The following TMEM45A variants were observed in gnomAD, a reference collection of about 807,000 sequenced individuals.
The protein encoded by TMEM45A is DNA polymerase-transactivated protein 4.
TMEM45A carries 25 observed loss-of-function variants against 32.0 expected under a neutral mutation model. The ratio of observed to expected loss-of-function variants is 0.78; its 90% CI spans 0.57 to 1.09. TMEM45A has a LOEUF of 1.09. Among genes scored for constraint, TMEM45A ranks in the 50% least tolerant of loss-of-function variants. The pLI is 0.00. For missense variants in TMEM45A, 302 were observed against 325.0 expected, an observed-to-expected ratio of 0.93 and a Z score of 0.54; for synonymous variants, 122 against 114.8, an observed-to-expected ratio of 1.06 and a Z score of -0.40.
At chr3:100,571,970 G>A (rs1051360962) in intron 5 of TMEM45A, 1 of 152,164 alleles carries the variant, frequency 6.6e-6, no homozygotes, top group Non-Finnish European at 1.5e-5. Flanking sequence ...TGGTGTATAT[G>A]TGCCACATTT....
At chr3:100,551,880 A>T (rs568716244) in intron 1 of TMEM45A, among the ~76,000 whole-genome samples, 3 of 152,278 alleles carry the variant, frequency 2.0e-5, no homozygotes, top group Admixed American at 2.0e-4. Context: ...CCCCACTTTG[A>T]TCAGCTCATA....
intron 1 of TMEM45A, among the ~76,000 whole-genome samples, chr3:100,513,559 C>T (rs1257144086): frequency 6.6e-6 from 1 of 150,764 alleles, no homozygotes; most frequent in Non-Finnish European, 1.5e-5. Flanking sequence ...CCTTTGAAAA[C>T]AGGCACAAGA....
At chr3:100,562,265 A>C (rs1210651739) in intron 4 of TMEM45A, among the ~76,000 whole-genome samples, 2 of 151,986 alleles carry the variant, frequency 1.3e-5, no homozygotes, top group Admixed American at 1.3e-4. Flanking sequence ...TTAAGACGAC[A>C]AATAAAAGTG....
chr3:100,550,204 A>T (rs113241529), intron 1 of TMEM45A, among the ~76,000 whole-genome samples: 9,702 of 123,408 alleles, frequency 0.079, 1,098 homozygotes, highest in African/African-American at 0.27. Context: ...ATAAAAAAAA[A>T]AAAGAAAAAA....
chr3:100,559,722 T>A (rs894017306), intron 4 of TMEM45A, among the ~76,000 whole-genome samples: 1 of 152,098 alleles, frequency 6.6e-6, no homozygotes, highest in African/African-American at 2.4e-5. Flanking sequence ...TGACTTCTGG[T>A]TAAGATGACT....
At chr3:100,502,196 T>G (rs1708016181) in intron 1 of TMEM45A, among the ~76,000 whole-genome samples, 1 of 150,490 alleles carries the variant, frequency 6.6e-6, no homozygotes. Flanking sequence ...GACTTTGATA[T>G]GTCTAGGTAT....
rs1351870809 is a variant in TMEM45A at position 100,551,146 on chromosome 3, T to C, written c.-3-4063T>C. ...CTCCTGCCTCAGCCTCCCTAGTAGC[T>C]GGGACTACAGGTGCCCACCACCACA... is the stretch of plus-strand genomic sequence containing the variant. On this transcript the variant is annotated intron_variant, in intron 1 of 5. Coordinates refer to ENST00000323523, the MANE Select transcript of TMEM45A (RefSeq NM_018004.3). 2.6e-5 allele frequency among the ~76,000 whole-genome samples: 4 copies of C among 151,768 alleles called. No homozygotes were observed. In the East Asian group the frequency reaches 7.7e-4, roughly 29 times the overall value.
intron 1 of TMEM45A, among the ~76,000 whole-genome samples, chr3:100,530,951 G>A (rs557367474): frequency 6.6e-6 from 1 of 152,070 alleles, no homozygotes; most frequent in Non-Finnish European, 1.5e-5. Flanking sequence ...TTGTCCCTGT[G>A]TGTCCCATAA....
chr3:100,570,955 T>A (rs1706544722), intron 5 of TMEM45A: 1 of 152,156 alleles, frequency 6.6e-6, no homozygotes, highest in Non-Finnish European at 1.5e-5. Flanking sequence ...CTCATCTCCC[T>A]TTAAGAGTTT....
rs931449562 is a variant in TMEM45A at position 100,513,930 on chromosome 3, G to A, written c.-4+21002G>A. 1.2e-3 allele frequency among the ~76,000 whole-genome samples: 186 copies of A among 152,064 alleles called. 1 individual carries two copies. The highest frequency in any genetic ancestry group is 4.4e-3 in the African/African-American group (182 of 41,490). ...AATCCAACTTACAAGGGATGTGAAG[G>A]ACCTCTTCAAGGAGAACTACAAACC... is the stretch of plus-strand genomic sequence containing the variant. On this transcript the variant is annotated intron_variant, in intron 1 of 5. Coordinates refer to ENST00000323523, the MANE Select transcript of TMEM45A (RefSeq NM_018004.3).
chr3:100,569,011 T>C (rs1341382190), intron 5 of TMEM45A, 44 bp downstream of exon 5: 2 of 1,573,192 alleles, frequency 1.3e-6, no homozygotes, highest in Non-Finnish European at 1.7e-6. Context: ...TTCCTTGGTA[T>C]GTGATTATCA....
intron 1 of TMEM45A, among the ~76,000 whole-genome samples, chr3:100,548,682 T>G (rs1706029520): frequency 6.6e-6 from 1 of 152,194 alleles, no homozygotes; most frequent in African/African-American, 2.4e-5. Context: ...GGGACATATT[T>G]TAGCATTTCT....
chr3:100,556,933 T>C lies in TMEM45A; in HGVS notation c.364T>C (p.Leu122=). The C allele has an allele frequency of 6.2e-7, 1 of 1,614,242 alleles. No homozygotes were observed. Among genetic ancestry groups the C allele is most frequent in the Non-Finnish European group, 8.5e-7 (1 of 1,180,030 alleles). ...CACCATCAGTTCACTTCCTGTGTCC[T>C]TAACCAAGTTAATGTTGTCAAATGC... ...CFTISSLPVS[L]TKLMLSNALF... is the part of the protein sequence containing the mutation. Residue 122 remains leucine (L), a synonymous_variant, in exon 3 of 6, where the codon TTA becomes CTA. Transcript: ENST00000323523.
At chr3:100,520,072 G>GA (rs996078963) in intron 1 of TMEM45A, among the ~76,000 whole-genome samples, 45 of 150,932 alleles carry the variant, frequency 3.0e-4, no homozygotes, top group African/African-American at 5.1e-4. Context: ...GAAGAAAATA[G>GA]AAAAAAAAAT....
intron 5 of TMEM45A, 134 bp downstream of exon 5, chr3:100,569,101 A>G: frequency 1.1e-6 from 1 of 920,948 alleles, no homozygotes; most frequent in Non-Finnish European, 1.6e-6. Context: ...GCATAGCAGA[A>G]CATTATCTGC....
At chr3:100,558,358 TG>T in intron 3 of TMEM45A, 46 bp from the exon 4 acceptor site, 1 of 1,604,116 alleles carries the variant, frequency 6.2e-7, no homozygotes, top group African/African-American at 1.3e-5. Flanking sequence ...AAACAGTGGG[TG>T]GTCCTTGGTT....
At position 100,505,454 on chromosome 3, in the gene TMEM45A, A is replaced by C. The variant is rs1000320675; in HGVS notation, c.-4+12526A>C. On this transcript the variant is annotated intron_variant, in intron 1 of 5. Coordinates refer to ENST00000323523, the MANE Select transcript of TMEM45A (RefSeq NM_018004.3). The stretch of plus-strand genomic sequence containing the variant: ...GCTAATTAATTGCCATGGCAATGGC[A>C]ACAATTCTCACATTTTAGTGGCAGG... Among the ~76,000 whole-genome samples the C allele has an allele frequency of 1.4e-4, 22 of 152,218 alleles. 1 individual carries two copies. The highest frequency in any genetic ancestry group is 4.8e-4 in the African/African-American group (20 of 41,466).
intron 3 of TMEM45A, among the ~76,000 whole-genome samples, chr3:100,557,788 C>A (rs1167852800): frequency 6.6e-6 from 1 of 152,130 alleles, no homozygotes; most frequent in Non-Finnish European, 1.5e-5. Context: ...TCAATCTTTT[C>A]TCTTTGTCTT....
intron 5 of TMEM45A, chr3:100,572,422 C>T (rs990196213): frequency 2.3e-4 from 35 of 152,138 alleles, no homozygotes; most frequent in African/African-American, 8.0e-4. Flanking sequence ...CTGTTCATAT[C>T]CTTCGCCCAC....
Sources: gnomAD v4.1 joint callset for allele counts (sites outside exome capture counted in the v4.1 genomes callset) on GRCh38, gnomAD v4.1.1 for gene constraint, MANE v1.5 for transcripts, NCBI Gene and HGNC (gene_info 2026-07-23, HGNC 2026-07-21) for gene names.